PHLDB2: variants seen among roughly 807,000 people sequenced by gnomAD.
The protein encoded by PHLDB2 is pleckstrin homology-like domain family B member 2.
PHLDB2 carries 71 observed loss-of-function variants against 123.6 expected under a neutral mutation model. The ratio of observed to expected loss-of-function variants is 0.57; its 90% CI spans 0.47 to 0.70. PHLDB2 has a LOEUF of 0.70. Among genes scored for constraint, PHLDB2 ranks in the 30% least tolerant of loss-of-function variants. The pLI, the probability that PHLDB2 is intolerant of heterozygous loss-of-function variation, is 0.00. For synonymous variants in PHLDB2, 547 were observed against 541.6 expected (o/e 1.01, Z -0.14); for missense variants, 1,446 against 1,519.5 (o/e 0.95, Z 0.80).
At chr3:111,951,552 G>A (rs9835024) in intron 10 of PHLDB2, among the ~76,000 whole-genome samples, 56,311 of 151,854 alleles carry the variant, frequency 0.37, 11,961 homozygotes, top group East Asian at 0.84. Flanking sequence ...ACTTCAAAAT[G>A]ATCAGACCTA....
In PHLDB2 at chr3:111,759,553, G is replaced by A. The variant is rs189410350; in HGVS notation, c.-49+26850G>A. The stretch of plus-strand genomic sequence containing the variant: ...ACACATATGTATGTATGTATATCCC[G>A]TGTGTGTGTATGCATGCACAGTGAG... On this transcript the variant is annotated intron_variant, in intron 1 of 17. Transcript: ENST00000393923. Among the ~76,000 whole-genome samples, 165 of 152,168 alleles carry A rather than the reference G, an allele frequency of 1.1e-3. 1 individual carries two copies. The highest frequency in any genetic ancestry group is 1.9e-3 in the Admixed American group (29 of 15,280).
intron 12 of PHLDB2, chr3:111,961,824 T>C (rs1188866635): frequency 1.0e-5 from 4 of 382,210 alleles, no homozygotes; most frequent in African/African-American, 2.1e-5. Context: ...TTTGGTTTCT[T>C]TTGTGTTTGT....
upstream of PHLDB2, among the ~76,000 whole-genome samples, chr3:111,855,629 CTTTTTTTTTTTTT>C (rs11368889): frequency 2.5e-5 from 2 of 79,850 alleles, no homozygotes; most frequent in African/African-American, 5.8e-5. Context: ...CTGCATTTGT[CTTTTTTTTTTTTT>C]TTTTTTTTTT....
chr3:111,897,063 G>C (rs1197477995), intron 2 of PHLDB2, among the ~76,000 whole-genome samples: 1 of 152,132 alleles, frequency 6.6e-6, no homozygotes, highest in African/African-American at 2.4e-5. Flanking sequence ...ACACCACAAC[G>C]GTCTCTCATG....
intron 3 of PHLDB2, chr3:111,914,691 C>G (rs781348967): frequency 2.6e-5 from 4 of 151,922 alleles, no homozygotes; most frequent in Admixed American, 1.3e-4. Context: ...AGCAGATGAG[C>G]CTTTTATCAT....
In PHLDB2 at chr3:111,831,062, GAT is replaced by G. The variant is rs1240370378; in HGVS notation, c.-48-14757_-48-14756del. ...GGAAGGAAGAAAGAGAAAAGAGAGA[GAT>G]AGAGAGAAAAGAAGGAAGAAAGAAA... On this transcript the variant is annotated intron_variant, in intron 1 of 17. Transcript: ENST00000393923. Among the ~76,000 whole-genome samples, 5 of 147,960 alleles carry G rather than the reference GAT, an allele frequency of 3.4e-5. 1 individual carries two copies. Among genetic ancestry groups the G allele is most frequent in the African/African-American group, 1.2e-4 (5 of 40,514 alleles).
chr3:111,834,055 A>ATAATATATGTAATAGAATTATATATAT (rs796992166), intron 1 of PHLDB2, among the ~76,000 whole-genome samples: 1 of 14,818 alleles, frequency 6.7e-5, no homozygotes, highest in African/African-American at 2.7e-4. Flanking sequence ...AATTATATAT[A>ATAATATATGTAATAGAATTATATATAT]ATATATGTAA....
At chr3:111,813,264 G>A (rs1167649404) in intron 1 of PHLDB2, among the ~76,000 whole-genome samples, 2 of 152,014 alleles carry the variant, frequency 1.3e-5, no homozygotes, top group Non-Finnish European at 2.9e-5. Context: ...TTGTACTTTT[G>A]TATACTACAT....
intron 1 of PHLDB2, among the ~76,000 whole-genome samples, chr3:111,746,928 C>A (rs1443187791): frequency 6.6e-6 from 1 of 152,092 alleles, no homozygotes; most frequent in East Asian, 1.9e-4. Flanking sequence ...TCATCACCAC[C>A]ATATGATGCT....
chr3:111,839,390 G>C (rs978424807), intron 1 of PHLDB2, among the ~76,000 whole-genome samples: 4 of 152,116 alleles, frequency 2.6e-5, no homozygotes, highest in African/African-American at 9.7e-5. Context: ...CTTCTTGGAA[G>C]AGTTACACAT....
At chr3:111,811,874 T>A (rs1433048744) in intron 1 of PHLDB2, among the ~76,000 whole-genome samples, 1 of 151,774 alleles carries the variant, frequency 6.6e-6, no homozygotes. Flanking sequence ...AGAGATGAAA[T>A]CATGATGTCT....
intron 1 of PHLDB2, among the ~76,000 whole-genome samples, chr3:111,839,548 A>G (rs1445192050): frequency 6.6e-6 from 1 of 152,206 alleles, no homozygotes; most frequent in Non-Finnish European, 1.5e-5. Context: ...GATAAAGTTG[A>G]TTTTATGGCC....
At chr3:111,896,095 G>T in intron 2 of PHLDB2, among the ~76,000 whole-genome samples, 1 of 151,998 alleles carries the variant, frequency 6.6e-6, no homozygotes, top group East Asian at 1.9e-4. Context: ...TGGGATTACA[G>T]GTGCATGCCA....
At chr3:111,858,810 C>G (rs1216591184), upstream of PHLDB2, among the ~76,000 whole-genome samples, 1 of 152,082 alleles carries the variant, frequency 6.6e-6, no homozygotes, top group Non-Finnish European at 1.5e-5. Flanking sequence ...CCTTCATCTG[C>G]GTAACTCTAG....
intron 1 of PHLDB2, among the ~76,000 whole-genome samples, chr3:111,830,827 A>T (rs1244152986): frequency 5.4e-5 from 8 of 148,924 alleles, no homozygotes; most frequent in Non-Finnish European, 1.0e-4. Context: ...AAAAAAAAAA[A>T]AAAAAGGCAG....
chr3:111,742,541 A>G (rs1207705425), intron 1 of PHLDB2, among the ~76,000 whole-genome samples: 1 of 151,714 alleles, frequency 6.6e-6, no homozygotes, highest in Non-Finnish European at 1.5e-5. Context: ...ATTCCCACCT[A>G]TGAGTGAGAA....
intron 1 of PHLDB2, among the ~76,000 whole-genome samples, chr3:111,841,348 G>T (rs1290638384): frequency 6.6e-6 from 1 of 152,118 alleles, no homozygotes; most frequent in East Asian, 1.9e-4. Flanking sequence ...AGTAGGAGGA[G>T]GGGGGAACTG....
chr3:111,810,112 T>G (rs1316463243), intron 1 of PHLDB2, among the ~76,000 whole-genome samples: 1 of 152,128 alleles, frequency 6.6e-6, no homozygotes, highest in Non-Finnish European at 1.5e-5. Context: ...GGCATCACTC[T>G]AACACTGCCA....
intron 1 of PHLDB2, among the ~76,000 whole-genome samples, chr3:111,862,451 G>C (rs1375972997): frequency 1.3e-5 from 2 of 152,172 alleles, no homozygotes; most frequent in African/African-American, 4.8e-5. Flanking sequence ...AGAGGATACT[G>C]GCAACGTATT....
Sources: allele counts gnomAD v4.1 joint callset (sites outside exome capture counted in the v4.1 genomes callset), GRCh38; gene constraint gnomAD v4.1.1; transcripts MANE v1.5; gene names NCBI Gene and HGNC (gene_info 2026-07-23, HGNC 2026-07-21).